ASPSCR1: variants seen among roughly 807,000 people sequenced by gnomAD.
The protein encoded by ASPSCR1 is tether containing UBX domain for GLUT4.
In ASPSCR1, 55 loss-of-function variants were observed where a neutral mutation model predicts 68.9. The ratio of observed to expected loss-of-function variants is 0.80; its 90% CI spans 0.64 to 1.00. The LOEUF is 1.00. Among genes scored for constraint, ASPSCR1 ranks in the 50% least tolerant of loss-of-function variants. ASPSCR1 has a pLI of 0.00. For synonymous variants in ASPSCR1, 352 were observed against 332.6 expected, an observed-to-expected ratio of 1.06 and a Z score of -0.63; for missense variants, 765 against 762.2, an observed-to-expected ratio of 1.00 and a Z score of -0.04.
At chr17:81,985,432 G>A (rs1224351384) in intron 3 of ASPSCR1, 75 bp from the exon 4 acceptor site, 1 of 1,492,418 alleles carries the variant, frequency 6.7e-7, no homozygotes, top group Non-Finnish European at 9.3e-7. Flanking sequence ...TCTGTGTCTG[G>A]AGAATCAGTC....
At position 81,983,667 on chromosome 17, in the gene ASPSCR1, T is replaced by C; in HGVS notation, c.272T>C (p.Met91Thr). 6.2e-7 allele frequency: 1 copy of C among 1,602,300 alleles called. No homozygotes were observed. Among genetic ancestry groups the C allele is most frequent in the Non-Finnish European group, 8.5e-7 (1 of 1,174,352 alleles). ...ASRSREGPENMVRIALQLDDG... is the reference protein window; with the variant it reads ...ASRSREGPENTVRIALQLDDG... Reference sequence around the variant, plus strand: ...CGGAGCCGTGAGGGGCCTGAGAACATGGTGGGTCGTGCTCTGGGGGAGGCT... The same window carrying C: ...CGGAGCCGTGAGGGGCCTGAGAACACGGTGGGTCGTGCTCTGGGGGAGGCT... The change falls in exon 3 of 16, where the codon ATG becomes ACG. Residue 91 changes from methionine (M) to threonine (T), a missense_variant and splice_region_variant. By Grantham distance (81) the Met-to-Thr change is moderately conservative. Transcript: ENST00000306739. This position sits in a 1 kb window ranked among gnomAD's most constrained non-coding sequence, Gnocchi z 4.4.
chr17:82,006,020 T>C (rs556718869), intron 7 of ASPSCR1: 6 of 152,478 alleles, frequency 3.9e-5, no homozygotes, highest in Non-Finnish European at 8.8e-5. Flanking sequence ...TGGTTTTCTT[T>C]TGTGTGCATG....
chr17:82,015,773 G>C lies in ASPSCR1; in HGVS notation c.1354-703G>C, dbSNP rs540124112. 14 of 221,910 alleles carry C rather than the reference G, an allele frequency of 6.3e-5. No individual in the cohort carries two copies. In the South Asian group the frequency reaches 1.1e-3, roughly 18 times the overall value. The allele number at this position is 221,910 out of a possible 1,614,324, so 13.7% of individuals were successfully genotyped here. A position where few individuals can be genotyped will look rare whatever the true frequency, so the allele number is the denominator to read the frequency against. On this transcript the variant is annotated intron_variant, in intron 12 of 15. Transcript: ENST00000306739. ...GGCAGCTCCTGGCGCTGTCCTCCCC[G>C]TGCCCCCTTCCTGGCTCCCCAGCTT...
In ASPSCR1 at chr17:82,010,823, C is replaced by T. The variant is rs1028416853; in HGVS notation, c.1192C>T (p.Pro398Ser). Reference sequence around the variant, plus strand: ...CTAGGTGGCTCTGAGGGTCCTGTTCCCCGACCGCTACGTCCTACAGGGCTT... The same window carrying T: ...CTAGGTGGCTCTGAGGGTCCTGTTCTCCGACCGCTACGTCCTACAGGGCTT... ...YPKVALRVLF[P>S]DRYVLQGFFR... Residue 398 changes from proline (P) to serine (S), a missense_variant, in exon 10 of 16, where the codon CCC (proline) becomes TCC (serine). Coordinates refer to ENST00000306739, the MANE Select transcript of ASPSCR1 (RefSeq NM_024083.4). The T allele has an allele frequency of 1.2e-6, 2 of 1,613,134 alleles. No homozygotes were observed. The highest frequency in any genetic ancestry group is 1.3e-5 in the African/African-American group (1 of 74,936).
At chr17:82,007,799 GC>G in intron 7 of ASPSCR1, 1 of 152,378 alleles carries the variant, frequency 6.6e-6, no homozygotes, top group South Asian at 2.1e-4. Flanking sequence ...TGGAATGCAG[GC>G]GCTGGGGCTG....
chr17:82,011,715 G>A, intron 11 of ASPSCR1, 110 bp downstream of exon 11: 1 of 1,246,692 alleles, frequency 8.0e-7, no homozygotes, highest in Non-Finnish European at 1.1e-6. Flanking sequence ...CACAGGAGCA[G>A]CATCTGTGGC....
At position 82,009,100 on chromosome 17, in the gene ASPSCR1, C is replaced by T; in HGVS notation, c.997C>T (p.Leu333=). 1 of 1,594,154 alleles carries T rather than the reference C, an allele frequency of 6.3e-7. No individual in the cohort carries two copies. The highest frequency in any genetic ancestry group is 8.5e-7 in the Non-Finnish European group (1 of 1,171,324). The part of the protein sequence containing the change: ...VVCHPDLEER[L]QAWPAELPDE... ...GTGCCACCCCGACCTGGAGGAGCGG[C>T]TGCAGGCCTGGCCAGCGGAGCTGCC... The change falls in exon 8 of 16, where the codon CTG becomes TTG. Residue 333 remains leucine, a synonymous_variant. Transcript: ENST00000306739.
chr17:81,994,275 C>G (rs936148051), intron 4 of ASPSCR1, among the ~76,000 whole-genome samples: 2 of 152,234 alleles, frequency 1.3e-5, no homozygotes, highest in East Asian at 3.8e-4. Context: ...ACGGCCTCCC[C>G]GGCCACAGGC....
intron 2 of ASPSCR1, among the ~76,000 whole-genome samples, chr17:81,980,442 A>G (rs1452538729): frequency 1.3e-5 from 2 of 152,138 alleles, no homozygotes; most frequent in African/African-American, 4.8e-5. Flanking sequence ...TTGTGTCTGG[A>G]CCACGTGAGA....
chr17:82,009,439 GC>G, intron 8 of ASPSCR1, 46 bp from the exon 9 acceptor site: 1 of 1,523,132 alleles, frequency 6.6e-7, no homozygotes, highest in South Asian at 1.2e-5. Context: ...TGTTGCCAGG[GC>G]CCCCATTCTG....
Position 81,977,831 on chromosome 17 carries a change from GT to G in ASPSCR1, c.102+84del. 6 of 1,066,964 alleles carry G rather than the reference GT, an allele frequency of 5.6e-6. No individual in the cohort carries two copies. The highest frequency in any genetic ancestry group is 7.1e-6 in the Non-Finnish European group (6 of 848,910). 66.1% of individuals were successfully genotyped at this position (1,066,964 alleles called of 1,614,324 possible). ...CCCGCCCATTGCGGTCGGCGTCCCG[GT>G]GTTCGGGGGCGGGGCCTCGGCGGCC... On this transcript the variant is annotated intron_variant, in intron 1 of 15. Coordinates refer to ENST00000306739, the MANE Select transcript of ASPSCR1 (RefSeq NM_024083.4). The surrounding 1 kb of genome is among the most constrained non-coding windows in gnomAD (Gnocchi z 5.0).
Position 81,983,501 on chromosome 17 carries a change from C to T in ASPSCR1, c.159-53C>T. ...GACGGGGATGGCGGGGCGTGGATGGCAGGGCGTGTCAGGCTCTGCAGGGCA... is the reference window on the plus strand; with the variant it reads ...GACGGGGATGGCGGGGCGTGGATGGTAGGGCGTGTCAGGCTCTGCAGGGCA... On this transcript the variant is annotated intron_variant, in intron 2 of 15. Transcript: ENST00000306739. This position sits in a 1 kb window ranked among gnomAD's most constrained non-coding sequence, Gnocchi z 4.4. 1 of 1,440,304 alleles carries T rather than the reference C, an allele frequency of 6.9e-7. No individual in the cohort carries two copies. 89.2% of individuals were successfully genotyped at this position (1,440,304 alleles called of 1,614,324 possible).
chr17:81,992,401 G>A (rs1598401547), intron 4 of ASPSCR1, among the ~76,000 whole-genome samples: 1 of 152,178 alleles, frequency 6.6e-6, no homozygotes, highest in Non-Finnish European at 1.5e-5. Flanking sequence ...TGGAGGAGCC[G>A]CACATCAAAG....
chr17:82,007,101 G>A (rs1430835574), intron 7 of ASPSCR1: 1 of 152,300 alleles, frequency 6.6e-6, no homozygotes, highest in Non-Finnish European at 1.5e-5. Context: ...TGTTCTCGGG[G>A]TGACTCAGGT....
chr17:81,997,556 C>T (rs773447631), intron 7 of ASPSCR1, among the ~76,000 whole-genome samples: 14 of 147,498 alleles, frequency 9.5e-5, no homozygotes, highest in Non-Finnish European at 1.5e-4. Flanking sequence ...GGCGCGATCT[C>T]GGCTCACTGC....
At chr17:82,011,400 T>C in intron 10 of ASPSCR1, 143 bp from the exon 11 acceptor site, 2 of 793,814 alleles carry the variant, frequency 2.5e-6, no homozygotes, top group South Asian at 1.8e-5. Context: ...GCCGAGCACC[T>C]GGAGTGCTGT....
intron 7 of ASPSCR1, among the ~76,000 whole-genome samples, chr17:82,001,903 C>T (rs72861716): frequency 6.6e-6 from 1 of 152,080 alleles, no homozygotes; most frequent in Non-Finnish European, 1.5e-5. Context: ...ACGCCTGCCA[C>T]ACCGTAACGT....
Position 81,999,171 on chromosome 17 carries a change from A to T in ASPSCR1, c.933+2325A>T, listed in dbSNP as rs1416808306. Among the ~76,000 whole-genome samples the T allele has an allele frequency of 6.6e-6, 1 of 152,226 alleles. No individual in the cohort carries two copies. The highest frequency in any genetic ancestry group is 1.5e-5 in the Non-Finnish European group (1 of 68,032). On this transcript the variant is annotated intron_variant, in intron 7 of 15. Coordinates refer to ENST00000306739, the MANE Select transcript of ASPSCR1 (RefSeq NM_024083.4). This position sits in a 1 kb window ranked among gnomAD's most constrained non-coding sequence, Gnocchi z 4.4. The stretch of plus-strand genomic sequence containing the variant: ...GGACTGTCATGCGGCTTTCGGTGAC[A>T]GGGATGGGAGGAGGCTGTTTCCCAG...
intron 7 of ASPSCR1, among the ~76,000 whole-genome samples, chr17:81,998,241 G>T (rs558699007): frequency 6.6e-6 from 1 of 152,194 alleles, no homozygotes; most frequent in Non-Finnish European, 1.5e-5. Flanking sequence ...AAAATGCTGG[G>T]ATTACAATTG....
Sources: gnomAD v4.1 joint callset for allele counts (sites outside exome capture counted in the v4.1 genomes callset) on GRCh38, gnomAD v4.1.1 for gene constraint, Gnocchi (gnomAD v3.1) non-coding constraint, MANE v1.5 for transcripts, NCBI Gene and HGNC (gene_info 2026-07-23, HGNC 2026-07-21) for gene names.